The following UQCC1 variants were observed in gnomAD, a reference collection of about 807,000 sequenced individuals.
The protein encoded by UQCC1 is ubiquinol-cytochrome c reductase complex assembly factor 1, also known as bFGF-repressed Zic-binding protein.
Under a neutral mutation model 48.0 loss-of-function variants are expected in UQCC1, and 38 were observed. The observed-to-expected ratio is 0.79, with a 90% CI of 0.61 to 1.04. The LOEUF is 1.04. UQCC1 is among the 50% of genes least tolerant of loss of function. The pLI is 0.00. For missense variants in UQCC1, 368 were observed against 381.8 expected (o/e 0.96, Z 0.30); for synonymous variants, 111 against 129.2 (o/e 0.86, Z 0.95).
intron 7 of UQCC1, among the ~76,000 whole-genome samples, chr20:35,318,613 G>GATT (rs922013214): frequency 5.3e-5 from 8 of 152,188 alleles, no homozygotes; most frequent in Non-Finnish European, 1.0e-4. Context: ...CTCTAGCTGA[G>GATT]ACAATGGCAA....
At chr20:35,319,431 T>C (rs1489322639) in intron 7 of UQCC1, among the ~76,000 whole-genome samples, 1 of 152,196 alleles carries the variant, frequency 6.6e-6, no homozygotes, top group Non-Finnish European at 1.5e-5. Flanking sequence ...CAATAAATTA[T>C]CCGTTCATTT....
intron 1 of UQCC1, among the ~76,000 whole-genome samples, chr20:35,409,690 T>C (rs767030954): frequency 6.6e-6 from 1 of 152,268 alleles, no homozygotes; most frequent in South Asian, 2.1e-4. Context: ...CATTCAACAA[T>C]AGCAGTGTTT....
chr20:35,314,894 G>T, intron 7 of UQCC1, 129 bp from the exon 8 acceptor site: 1 of 600,910 alleles, frequency 1.7e-6, no homozygotes, highest in Non-Finnish European at 2.7e-6. Context: ...AAGTCAAGCT[G>T]CCAGTCCATT....
At chr20:35,306,900 A>G (rs2060935816) in intron 8 of UQCC1, 121 bp from the exon 9 acceptor site, 1 of 781,380 alleles carries the variant, frequency 1.3e-6, no homozygotes, top group Middle Eastern at 2.2e-4. Context: ...CTCCACGCAC[A>G]AGAGGAAAAT....
intron 2 of UQCC1, among the ~76,000 whole-genome samples, chr20:35,385,121 T>G (rs1166018763): frequency 6.6e-6 from 1 of 152,204 alleles, no homozygotes; most frequent in African/African-American, 2.4e-5. Flanking sequence ...CCAGCCACTT[T>G]TAGGTTTAAA....
chr20:35,402,696 G>A (rs1355808153), intron 1 of UQCC1, among the ~76,000 whole-genome samples: 5 of 152,076 alleles, frequency 3.3e-5, no homozygotes, highest in African/African-American at 1.2e-4. Flanking sequence ...AGGAGGCTGA[G>A]GCACAAGGAT....
intron 1 of UQCC1, among the ~76,000 whole-genome samples, chr20:35,397,767 A>C (rs1030900323): frequency 4.9e-4 from 74 of 152,124 alleles, no homozygotes; most frequent in African/African-American, 1.8e-3. Context: ...TTGCTATCCG[A>C]GGGAGGTCCT....
rs386365644 is a variant in UQCC1, at chr20:35,357,671, C to CAAA, written c.464+8883_464+8885dup. Among the ~76,000 whole-genome samples the CAAA allele has an allele frequency of 1.0e-3, 105 of 103,314 alleles. 1 individual carries two copies. Among genetic ancestry groups the CAAA allele is most frequent in the Middle Eastern group, 5.4e-3 (1 of 184 alleles). 67.8% of individuals were successfully genotyped at this position (103,314 alleles called of 152,430 possible). A position where few individuals can be genotyped will look rare whatever the true frequency, so the allele number is the denominator to read the frequency against. The stretch of plus-strand genomic sequence containing the variant: ...TGGGAGACACAGTGAGACCTTGTCT[C>CAAA]AAAAAAAAAAAAAAAAAGAAAGAAA... On this transcript the variant is annotated intron_variant, in intron 6 of 9. Coordinates refer to ENST00000374385, the MANE Select transcript of UQCC1 (RefSeq NM_018244.5).
chr20:35,376,449 T>G (rs1046933462), intron 4 of UQCC1, among the ~76,000 whole-genome samples: 1 of 151,758 alleles, frequency 6.6e-6, no homozygotes, highest in Non-Finnish European at 1.5e-5. Context: ...AAAAGGATAA[T>G]AAGGGAATCC....
At chr20:35,370,003 T>C (rs34224673) in intron 5 of UQCC1, among the ~76,000 whole-genome samples, 116 of 152,246 alleles carry the variant, frequency 7.6e-4, no homozygotes, top group African/African-American at 2.6e-3. Context: ...TGCTCCAAAG[T>C]GCTCTTCACA....
At chr20:35,321,295 C>T (rs1459966411) in intron 7 of UQCC1, among the ~76,000 whole-genome samples, 5 of 149,794 alleles carry the variant, frequency 3.3e-5, no homozygotes, top group Admixed American at 2.0e-4. Context: ...CGCGCGCGCG[C>T]GCGCACGCTC....
At chr20:35,340,402 C>T (rs2061364203) in intron 7 of UQCC1, among the ~76,000 whole-genome samples, 1 of 152,250 alleles carries the variant, frequency 6.6e-6, no homozygotes, top group African/African-American at 2.4e-5. Context: ...TCCACTCCAA[C>T]AGCTCAGGCC....
At chr20:35,352,040 G>A (rs1568675463) in intron 6 of UQCC1, among the ~76,000 whole-genome samples, 1 of 152,374 alleles carries the variant, frequency 6.6e-6, no homozygotes, top group East Asian at 1.9e-4. Context: ...AAAAGGGAAT[G>A]CCATAGATCT....
intron 2 of UQCC1, among the ~76,000 whole-genome samples, chr20:35,387,029 C>A (rs1213772447): frequency 6.6e-6 from 1 of 152,028 alleles, no homozygotes; most frequent in Non-Finnish European, 1.5e-5. Flanking sequence ...GTAATCCCAA[C>A]ACTTTGGGAG....
At chr20:35,315,000 C>A (rs941340839) in intron 7 of UQCC1, among the ~76,000 whole-genome samples, 2 of 152,146 alleles carry the variant, frequency 1.3e-5, no homozygotes, top group African/African-American at 4.8e-5. Context: ...AACTGAGCCC[C>A]AACCACATGT....
chr20:35,397,166 T>A (rs1289088275), intron 1 of UQCC1, among the ~76,000 whole-genome samples: 1 of 143,478 alleles, frequency 7.0e-6, no homozygotes, highest in Non-Finnish European at 1.5e-5. Context: ...GCCACTGCAC[T>A]CCAGCCTGGG....
chr20:35,380,021 C>A (rs1458029497), intron 4 of UQCC1, among the ~76,000 whole-genome samples: 2 of 152,096 alleles, frequency 1.3e-5, no homozygotes, highest in African/African-American at 4.8e-5. Context: ...TCTCTAGAAT[C>A]ATTAAAAAAC....
chr20:35,337,723 G>T (rs1355853783), intron 7 of UQCC1, among the ~76,000 whole-genome samples: 1 of 152,198 alleles, frequency 6.6e-6, no homozygotes, highest in African/African-American at 2.4e-5. Flanking sequence ...TGGAGGCTGA[G>T]TATGAAGTAC....
chr20:35,400,063 C>T (rs1835929658), intron 1 of UQCC1, among the ~76,000 whole-genome samples: 1 of 151,450 alleles, frequency 6.6e-6, no homozygotes, highest in African/African-American at 2.4e-5. Context: ...GTAGCTGGGA[C>T]TAGAGCGGCG....
Sources: allele counts gnomAD v4.1 joint callset (sites outside exome capture counted in the v4.1 genomes callset), GRCh38; gene constraint gnomAD v4.1.1; transcripts MANE v1.5; gene names NCBI Gene and HGNC (gene_info 2026-07-23, HGNC 2026-07-21).